The following PPM1A variants were observed in gnomAD, a reference collection of about 807,000 sequenced individuals.
PPM1A encodes protein phosphatase, Mg2+/Mn2+ dependent 1A, also known as protein phosphatase 1A.
A neutral mutation model predicts 35.0 loss-of-function variants in PPM1A; 7 were observed. That is an observed-to-expected ratio of 0.20 (90% CI 0.11 to 0.38). PPM1A has a LOEUF of 0.38. PPM1A is among the 10% of genes least tolerant of loss of function. The pLI is 1.00. For missense variants in PPM1A, 239 were observed against 467.8 expected, an observed-to-expected ratio of 0.51 and a Z score of 4.51; for synonymous variants, 153 against 167.3, an observed-to-expected ratio of 0.91 and a Z score of 0.66.
Position 60,273,535 on chromosome 14 carries a change from A to T in PPM1A, c.-20-9149A>T, listed in dbSNP as rs1885407403. 6.6e-6 allele frequency among the ~76,000 whole-genome samples: 1 copy of T among 151,952 alleles called. No homozygotes were observed. The highest frequency in any genetic ancestry group is 2.1e-4 in the South Asian group (1 of 4,818). On this transcript the variant is annotated intron_variant, in intron 1 of 5. Transcript: ENST00000395076. This position sits in a 1 kb window ranked among gnomAD's most constrained non-coding sequence, Gnocchi z 4.3. ...TTAAGCAGTTATTTATCCACCTCCT[A>T]CCCCCAGCAGTGGAAAGCCATTGAG...
intron 1 of PPM1A, among the ~76,000 whole-genome samples, chr14:60,250,035 C>G (rs551557804): frequency 2.0e-5 from 3 of 151,534 alleles, no homozygotes; most frequent in Non-Finnish European, 2.9e-5. Flanking sequence ...AGAACTTTTC[C>G]CGAGCGGGGA....
intron 1 of PPM1A, chr14:60,277,273 T>C (rs1219983007): frequency 6.3e-6 from 1 of 157,986 alleles, no homozygotes; most frequent in Non-Finnish European, 1.4e-5. Flanking sequence ...AAGTACTTTT[T>C]GGTATTATAT....
chr14:60,272,850 AGTT>A (rs1885328447), intron 1 of PPM1A, among the ~76,000 whole-genome samples: 2 of 152,210 alleles, frequency 1.3e-5, no homozygotes, highest in South Asian at 4.1e-4. Context: ...TTTTGGATTC[AGTT>A]TTGCAGTTGA....
intron 1 of PPM1A, among the ~76,000 whole-genome samples, chr14:60,263,717 C>T (rs1248038012): frequency 6.6e-6 from 1 of 151,998 alleles, no homozygotes; most frequent in Non-Finnish European, 1.5e-5. Flanking sequence ...CTTGGTCTGC[C>T]TGATAATTTT....
In PPM1A at chr14:60,283,312, A is replaced by G; in HGVS notation, c.609A>G (p.Lys203=). 2 of 1,614,194 alleles carry G rather than the reference A, an allele frequency of 1.2e-6. No individual in the cohort carries two copies. Among genetic ancestry groups the G allele is most frequent in the Non-Finnish European group, 1.7e-6 (2 of 1,180,036 alleles). ...GGGCCCTTGGGGATTTTGATTACAA[A>G]TGTGTCCATGGAAAAGGTCCTACTG... ...VSRALGDFDY[K]CVHGKGPTEQ... Residue 203 remains lysine (K), a synonymous_variant, in exon 2 of 6, where the codon AAA becomes AAG. Coordinates refer to ENST00000395076, the MANE Select transcript of PPM1A (RefSeq NM_021003.5). This position sits in a 1 kb window ranked among gnomAD's most constrained non-coding sequence, Gnocchi z 6.3.
intron 2 of PPM1A, among the ~76,000 whole-genome samples, chr14:60,284,166 A>C (rs1179057743): frequency 6.6e-6 from 1 of 152,256 alleles, no homozygotes; most frequent in Non-Finnish European, 1.5e-5. Flanking sequence ...GGGATAATAT[A>C]CACAGGTGAG....
upstream of PPM1A, among the ~76,000 whole-genome samples, chr14:60,248,986 A>AGGC (rs1307559324): frequency 6.6e-6 from 1 of 152,036 alleles, no homozygotes; most frequent in Non-Finnish European, 1.5e-5. Context: ...CGTAAGGCAA[A>AGGC]GGCGGCGGCA....
intron 1 of PPM1A, among the ~76,000 whole-genome samples, chr14:60,260,158 C>T (rs895659066): frequency 2.6e-5 from 4 of 151,914 alleles, no homozygotes; most frequent in African/African-American, 7.3e-5. Flanking sequence ...GAGCTTTACC[C>T]GACTTACTTT....
chr14:60,294,410 A>G lies in PPM1A; in HGVS notation c.*1928A>G, dbSNP rs1239507222. On this transcript the variant is annotated 3_prime_UTR_variant, in exon 6 of 6. Transcript: ENST00000395076. ...TACTTACAATAAATACTTAATGTCT[A>G]AATCTGTGGTAGAGTGCGAAGTATG... The G allele has an allele frequency of 6.6e-6, 1 of 151,940 alleles. No homozygotes were observed. Among genetic ancestry groups the G allele is most frequent in the African/African-American group, 2.4e-5 (1 of 41,426 alleles). 9.4% of individuals were successfully genotyped at this position (151,940 alleles called of 1,614,324 possible). A position where few individuals can be genotyped will look rare whatever the true frequency, so the allele number is the denominator to read the frequency against.
At position 60,297,557 on chromosome 14, in the gene PPM1A, T is replaced by C. The variant is rs949610244; in HGVS notation, c.*5075T>C. On this transcript the variant is annotated 3_prime_UTR_variant, in exon 6 of 6. Coordinates refer to ENST00000395076, the MANE Select transcript of PPM1A (RefSeq NM_021003.5). ...AGTTTTCAACTAATGGTTTTCTCATTAAACTAAATGTTTAGAAAAGTTGTT... is the reference window on the plus strand; with the variant it reads ...AGTTTTCAACTAATGGTTTTCTCATCAAACTAAATGTTTAGAAAAGTTGTT... 2.0e-5 allele frequency: 3 copies of C among 151,824 alleles called. No homozygotes were observed. The highest frequency in any genetic ancestry group is 7.2e-5 in the African/African-American group (3 of 41,426). 9.4% of individuals were successfully genotyped at this position (151,824 alleles called of 1,614,324 possible).
chr14:60,272,255 G>A (rs972041677), intron 1 of PPM1A, among the ~76,000 whole-genome samples: 1 of 152,072 alleles, frequency 6.6e-6, no homozygotes, highest in Non-Finnish European at 1.5e-5. Flanking sequence ...AAATCATATA[G>A]AGATGAACTT....
chr14:60,285,148 G>GC (rs1317516705), intron 2 of PPM1A, among the ~76,000 whole-genome samples: 2 of 152,000 alleles, frequency 1.3e-5, no homozygotes, highest in African/African-American at 4.8e-5. Context: ...GAATGTATTA[G>GC]CCCCACAATT....
intron 3 of PPM1A, chr14:60,286,631 A>C: frequency 1.0e-6 from 1 of 985,228 alleles, no homozygotes; most frequent in Admixed American, 6.2e-5. Context: ...TTGACCTACC[A>C]CACCTACATC....
Position 60,298,359 on chromosome 14 carries a change from T to G in PPM1A, c.*5877T>G, listed in dbSNP as rs540059847. On this transcript the variant is annotated 3_prime_UTR_variant, in exon 6 of 6. Coordinates refer to ENST00000395076, the MANE Select transcript of PPM1A (RefSeq NM_021003.5). ...CAATTCATTTCATATTCTAAGGAATTAGGTTATTTACTTACTAATTCAGGA... is the reference window on the plus strand; with the variant it reads ...CAATTCATTTCATATTCTAAGGAATGAGGTTATTTACTTACTAATTCAGGA... 6 of 151,894 alleles carry G rather than the reference T, an allele frequency of 4.0e-5. No homozygotes were observed. In the South Asian group the frequency reaches 1.2e-3, roughly 31 times the overall value. 9.4% of individuals were successfully genotyped at this position (151,894 alleles called of 1,614,324 possible). A position where few individuals can be genotyped will look rare whatever the true frequency, so the allele number is the denominator to read the frequency against.
Position 60,292,343 on chromosome 14 carries a change from TA to T in PPM1A, c.1120-106del. 2.6e-6 allele frequency: 2 copies of T among 776,840 alleles called. No homozygotes were observed. The highest frequency in any genetic ancestry group is 2.1e-6 in the Non-Finnish European group (1 of 469,936). 48.1% of individuals were successfully genotyped at this position (776,840 alleles called of 1,614,324 possible). On this transcript the variant is annotated intron_variant, in intron 5 of 5. Transcript: ENST00000395076. This position sits in a 1 kb window ranked among gnomAD's most constrained non-coding sequence, Gnocchi z 4.2. ...TATACTTTAAAAAACATTTATATTC[TA>T]AAAGTCATCTTTACAGAACATTATC...
At position 60,289,212 on chromosome 14, in the gene PPM1A, C is replaced by CGT. The variant is rs1887358537; in HGVS notation, c.953-594_953-593insGT. On this transcript the variant is annotated intron_variant, in intron 3 of 5. Transcript: ENST00000395076. The surrounding 1 kb of genome is among the most constrained non-coding windows in gnomAD (Gnocchi z 4.1). ...AAGGAAATGGTATTATATATCTATA[C>CGT]AGTATATTGTTTAAAGGTACTTTAG... is the stretch of plus-strand genomic sequence containing the variant. Among the ~76,000 whole-genome samples the CGT allele has an allele frequency of 6.6e-6, 1 of 151,976 alleles. No individual in the cohort carries two copies. The highest frequency in any genetic ancestry group is 2.4e-5 in the African/African-American group (1 of 41,416).
rs1887446505 is a variant in PPM1A at position 60,289,870 on chromosome 14, T to G, written c.1017T>G (p.Ser339Arg). The G allele has an allele frequency of 2.5e-6, 4 of 1,594,384 alleles. No homozygotes were observed. Among genetic ancestry groups the G allele is most frequent in the Non-Finnish European group, 3.4e-6 (4 of 1,174,380 alleles). The change falls in exon 4 of 6, where the codon AGT (serine) becomes AGG (arginine). Residue 339 changes from serine (S) to arginine (R), a missense_variant. This residue lies in a region of PPM1A where 64 missense variants were observed against 78.6 expected (regional missense o/e 0.81). Transcript: ENST00000395076. This position sits in a 1 kb window ranked among gnomAD's most constrained non-coding sequence, Gnocchi z 4.1. ...DLVHVMRTLA[S>R]ENIPSLPPGG... is the part of the protein sequence containing the mutation. ...TCCATGTGATGCGCACATTAGCGAG[T>G]GAGAACATCCCCAGCCTCCCACCAG...
Position 60,271,239 on chromosome 14 carries a change from G to A in PPM1A, c.-20-11445G>A, listed in dbSNP as rs180755471. Among the ~76,000 whole-genome samples the A allele has an allele frequency of 3.2e-3, 484 of 152,204 alleles. 9 individuals carry two copies. Among genetic ancestry groups the A allele is most frequent in the Non-Finnish European group, 7.6e-4 (52 of 68,014 alleles). On this transcript the variant is annotated intron_variant, in intron 1 of 5. Transcript: ENST00000395076. ...CTCTGTGTGTGTCAGATCTTCCCCTGACTCTCTATTCTAAGGACATGTGGG... is the reference window on the plus strand; with the variant it reads ...CTCTGTGTGTGTCAGATCTTCCCCTAACTCTCTATTCTAAGGACATGTGGG...
upstream of PPM1A, among the ~76,000 whole-genome samples, chr14:60,248,951 T>C (rs929022434): frequency 1.3e-5 from 2 of 152,120 alleles, no homozygotes; most frequent in Non-Finnish European, 2.9e-5. Context: ...GACGCTCCCT[T>C]CGGCTTCGGC....
Sources: gnomAD v4.1 joint callset for allele counts (sites outside exome capture counted in the v4.1 genomes callset) on GRCh38, gnomAD v4.1.1 for gene constraint, gnomAD v4.1.1 regional missense constraint, Gnocchi (gnomAD v3.1) non-coding constraint, MANE v1.5 for transcripts, NCBI Gene and HGNC (gene_info 2026-07-23, HGNC 2026-07-21) for gene names.